FAF1: variants seen among roughly 807,000 people sequenced by gnomAD.
The protein encoded by FAF1 is FAS-associated factor 1.
A neutral mutation model predicts 92.5 loss-of-function variants in FAF1; 25 were observed. The ratio of observed to expected loss-of-function variants is 0.27; its 90% CI spans 0.20 to 0.38. The LOEUF is 0.38. Among genes scored for constraint, FAF1 ranks in the 10% least tolerant of loss-of-function variants. FAF1 has a pLI of 1.00. For missense variants in FAF1, 636 were observed against 793.3 expected (o/e 0.80, Z 2.38); for synonymous variants, 234 against 273.2 (o/e 0.86, Z 1.42).
At chr1:50,830,904 A>C (rs753791635) in intron 2 of FAF1, among the ~76,000 whole-genome samples, 1 of 152,206 alleles carries the variant, frequency 6.6e-6, no homozygotes, top group Non-Finnish European at 1.5e-5. Context: ...GAAGAAAAAA[A>C]CTTGAAAACC....
chr1:50,839,982 G>A (rs1644242788), intron 2 of FAF1, among the ~76,000 whole-genome samples: 1 of 151,876 alleles, frequency 6.6e-6, no homozygotes, highest in African/African-American at 2.4e-5. Flanking sequence ...TAAGGGACAA[G>A]GCAATTTAAT....
chr1:50,779,987 G>GACACACACAC (rs1297272722), intron 4 of FAF1, among the ~76,000 whole-genome samples: 27 of 112,878 alleles, frequency 2.4e-4, no homozygotes, highest in African/African-American at 9.2e-4. Flanking sequence ...TGCACAGACA[G>GACACACACAC]ACAGACACAC....
At chr1:50,562,738 G>A (rs1649986720) in intron 13 of FAF1, among the ~76,000 whole-genome samples, 2 of 152,170 alleles carry the variant, frequency 1.3e-5, no homozygotes. Flanking sequence ...TTAGGATTGT[G>A]TCTTGTTCCA....
intron 17 of FAF1, among the ~76,000 whole-genome samples, chr1:50,479,513 T>C (rs973896640): frequency 6.6e-6 from 1 of 152,236 alleles, no homozygotes; most frequent in African/African-American, 2.4e-5. Context: ...CAGCTGTTGG[T>C]GTTATCATTT....
intron 8 of FAF1, among the ~76,000 whole-genome samples, chr1:50,636,395 T>C (rs936995337): frequency 7.6e-5 from 11 of 144,588 alleles, no homozygotes; most frequent in Non-Finnish European, 1.2e-4. Context: ...TTTTTTTTTT[T>C]TTTTTTTTTG....
At chr1:50,612,222 A>T in intron 8 of FAF1, 1 of 263,154 alleles carries the variant, frequency 3.8e-6, no homozygotes, top group South Asian at 4.9e-5. Flanking sequence ...TATATTGATT[A>T]TAACAGTCTA....
At chr1:50,934,559 C>CA (rs984867546) in intron 1 of FAF1, among the ~76,000 whole-genome samples, 2 of 151,906 alleles carry the variant, frequency 1.3e-5, no homozygotes, top group Admixed American at 1.3e-4. Flanking sequence ...CCCGTCTCTA[C>CA]AAAAAAATTA....
intron 17 of FAF1, among the ~76,000 whole-genome samples, chr1:50,485,789 G>A (rs369009192): frequency 1.4e-3 from 212 of 151,936 alleles, no homozygotes; most frequent in African/African-American, 4.9e-3. Context: ...ATGACTGGGA[G>A]GCCTCAAGAA....
chr1:50,543,070 A>G (rs1001637669), intron 13 of FAF1, among the ~76,000 whole-genome samples: 1 of 152,190 alleles, frequency 6.6e-6, no homozygotes, highest in Non-Finnish European at 1.5e-5. Flanking sequence ...GCATGTATTA[A>G]TCACTTGTAA....
At chr1:50,825,098 G>T (rs1042493190) in intron 2 of FAF1, among the ~76,000 whole-genome samples, 13 of 152,076 alleles carry the variant, frequency 8.5e-5, no homozygotes, top group Non-Finnish European at 1.6e-4. Context: ...AGCTAGAAGA[G>T]AAGATTTGGA....
intron 17 of FAF1, among the ~76,000 whole-genome samples, chr1:50,481,051 T>C (rs1279506533): frequency 1.3e-5 from 2 of 152,140 alleles, no homozygotes; most frequent in African/African-American, 2.4e-5. Flanking sequence ...TAAAAACTTA[T>C]AGAATAAGGA....
intron 6 of FAF1, among the ~76,000 whole-genome samples, chr1:50,724,203 G>C (rs1332443238): frequency 7.0e-6 from 1 of 143,322 alleles, no homozygotes; most frequent in African/African-American, 2.6e-5. Context: ...ATGCCACCAC[G>C]CTACAGCCTG....
intron 4 of FAF1, among the ~76,000 whole-genome samples, chr1:50,768,244 C>G (rs537523533): frequency 3.9e-5 from 6 of 152,170 alleles, no homozygotes; most frequent in Non-Finnish European, 8.8e-5. Context: ...ACAAGAAGAC[C>G]TAACTATCCT....
chr1:50,831,304 T>C (rs1553144387), intron 2 of FAF1, among the ~76,000 whole-genome samples: 2 of 152,194 alleles, frequency 1.3e-5, no homozygotes, highest in African/African-American at 2.4e-5. Context: ...TCTTTACACT[T>C]GATATTAGCT....
rs1223042509 is a variant in FAF1 at position 50,569,185 on chromosome 1, AAACC to A, written c.1114-1958_1114-1955del. On this transcript the variant is annotated intron_variant, in intron 12 of 18. Coordinates refer to ENST00000396153, the MANE Select transcript of FAF1 (RefSeq NM_007051.3). ...AAGGCTCAAAACAAATGCCTCTATG[AAACC>A]TTCCGTGATTCCCTCAGGCAGAGTT... 2.6e-5 allele frequency among the ~76,000 whole-genome samples: 4 copies of A among 152,284 alleles called. No homozygotes were observed. The East Asian group carries it at 7.7e-4, about 29-fold the overall frequency.
intron 15 of FAF1, among the ~76,000 whole-genome samples, chr1:50,508,733 A>G (rs1647092033): frequency 6.6e-6 from 1 of 152,218 alleles, no homozygotes. Flanking sequence ...ATGGAATCTC[A>G]TTCTGTCACC....
chr1:50,456,925 A>T (rs1646359461), intron 18 of FAF1, among the ~76,000 whole-genome samples: 1 of 152,160 alleles, frequency 6.6e-6, no homozygotes, highest in Non-Finnish European at 1.5e-5. Context: ...TTTTTTGTTT[A>T]AAAAATGTAT....
At position 50,794,504 on chromosome 1, in the gene FAF1, G is replaced by C. The variant is rs957033865; in HGVS notation, c.162-6299C>G. Among the ~76,000 whole-genome samples the C allele has an allele frequency of 3.5e-4, 54 of 152,220 alleles. 1 individual carries two copies. The highest frequency in any genetic ancestry group is 1.3e-3 in the African/African-American group (54 of 41,462). ...TTGAATCATAGGCAATAGATGGTGG[G>C]TTGGCCAGCTGTTCAGGTCCTGAAA... On this transcript the variant is annotated intron_variant, in intron 3 of 18. Transcript: ENST00000396153.
intron 2 of FAF1, among the ~76,000 whole-genome samples, chr1:50,831,971 T>C (rs563238449): frequency 3.3e-4 from 50 of 152,102 alleles, no homozygotes; most frequent in African/African-American, 1.2e-3. Context: ...GAACTGTGCA[T>C]GCGAGGGATC....
Sources: allele counts gnomAD v4.1 joint callset (sites outside exome capture counted in the v4.1 genomes callset), GRCh38; gene constraint gnomAD v4.1.1; transcripts MANE v1.5; gene names NCBI Gene and HGNC (gene_info 2026-07-23, HGNC 2026-07-21).